Variants in LDLRAD4 observed in about 807,000 individuals in gnomAD.
The protein encoded by LDLRAD4 is low-density lipoprotein receptor class A domain-containing protein 4.
In LDLRAD4, 5 loss-of-function variants were observed where a neutral mutation model predicts 17.0. The ratio of observed to expected loss-of-function variants is 0.29; its 90% confidence interval spans 0.15 to 0.62. The LOEUF is 0.62. LDLRAD4 is among the 20% of genes least tolerant of loss of function. LDLRAD4 has a pLI of 0.84. For missense variants in LDLRAD4, 340 were observed against 424.7 expected, an observed-to-expected ratio of 0.80 and a Z score of 1.75; for synonymous variants, 168 against 171.8, an observed-to-expected ratio of 0.98 and a Z score of 0.17.
chr18:13,496,294 C>T (rs930096120), intron 3 of LDLRAD4, among the ~76,000 whole-genome samples: 1 of 152,142 alleles, frequency 6.6e-6, no homozygotes, highest in Non-Finnish European at 1.5e-5. Context: ...AAAAATGTGG[C>T]GGCCTTACTT....
chr18:13,338,944 G>A (rs1342238914), intron 1 of LDLRAD4, among the ~76,000 whole-genome samples: 1 of 152,098 alleles, frequency 6.6e-6, no homozygotes, highest in East Asian at 1.9e-4. Context: ...GGAGGGAAAA[G>A]ACAACTTCTT....
intron 1 of LDLRAD4, among the ~76,000 whole-genome samples, chr18:13,370,553 A>G (rs1339855820): frequency 6.6e-6 from 1 of 152,084 alleles, no homozygotes; most frequent in Non-Finnish European, 1.5e-5. Context: ...GCGGCACCAT[A>G]TAGTTTAATA....
In LDLRAD4 at chr18:13,574,358, C is replaced by T. The variant is rs75853538; in HGVS notation, c.182-46759C>T. 7.3e-3 allele frequency among the ~76,000 whole-genome samples: 1,119 copies of T among 152,258 alleles called. 10 individuals are homozygous for T. The highest frequency in any genetic ancestry group is 0.026 in the African/African-American group (1,060 of 41,532). On this transcript the variant is annotated intron_variant, in intron 3 of 5. Transcript: ENST00000359446. The stretch of plus-strand genomic sequence containing the variant: ...CTGTCCCTGGGCCTAGGAGAGCAAC[C>T]GCTCTCTGTTCACAGTGTGCCGTCC...
intron 1 of LDLRAD4, among the ~76,000 whole-genome samples, chr18:13,232,223 G>C (rs1305518248): frequency 6.6e-6 from 1 of 152,228 alleles, no homozygotes; most frequent in Non-Finnish European, 1.5e-5. Flanking sequence ...GGGCGCTCTT[G>C]TGGGACTTAG....
At chr18:13,441,155 G>T (rs144436152) in intron 3 of LDLRAD4, among the ~76,000 whole-genome samples, 2 of 152,328 alleles carry the variant, frequency 1.3e-5, no homozygotes, top group African/African-American at 4.8e-5. Flanking sequence ...GGGTGGCCTC[G>T]TATTGAATGG....
chr18:13,363,536 T>C (rs9960178), intron 1 of LDLRAD4, among the ~76,000 whole-genome samples: 99 of 152,190 alleles, frequency 6.5e-4, no homozygotes, highest in African/African-American at 2.3e-3. Flanking sequence ...AAACCTGTTA[T>C]GCATCGTGTC....
chr18:13,387,603 G>T (rs1599849647), exon 2 of LDLRAD4: 1 of 919,822 alleles, frequency 1.1e-6, no homozygotes, highest in African/African-American at 1.6e-5. Context: ...GCTCCCAGAG[G>T]CCGGCCCAGC....
At chr18:13,634,073 GCTAT>G (rs1568434784) in intron 4 of LDLRAD4, among the ~76,000 whole-genome samples, 1 of 152,200 alleles carries the variant, frequency 6.6e-6, no homozygotes, top group African/African-American at 2.4e-5. Context: ...CATCATAAAG[GCTAT>G]CTATGAAAAG....
intron 1 of LDLRAD4, among the ~76,000 whole-genome samples, chr18:13,382,264 C>T (rs1308020590): frequency 2.0e-5 from 3 of 152,232 alleles, no homozygotes; most frequent in African/African-American, 4.8e-5. Flanking sequence ...TCCTGAACCC[C>T]ATGTATCTGT....
rs1294043206 is a variant in LDLRAD4 at position 13,550,749 on chromosome 18, C to T, written c.182-70368C>T. Among the ~76,000 whole-genome samples, 3 of 152,152 alleles carry T rather than the reference C, an allele frequency of 2.0e-5. 1 individual carries two copies. The highest frequency in any genetic ancestry group is 4.4e-5 in the Non-Finnish European group (3 of 68,024). ...CCCTCCGGCCATCCAGATCTAGGGG[C>T]GGTGGAGAGAGCCTGGGAAGAGCGA... On this transcript the variant is annotated intron_variant, in intron 3 of 5. Coordinates refer to ENST00000359446, the Ensembl canonical transcript of LDLRAD4.
intron 3 of LDLRAD4, among the ~76,000 whole-genome samples, chr18:13,510,682 T>A (rs1243254021): frequency 6.6e-6 from 1 of 152,164 alleles, no homozygotes; most frequent in Non-Finnish European, 1.5e-5. Context: ...AAAAAAATCA[T>A]CTTTAAAAAT....
chr18:13,316,934 C>G (rs1405466134), intron 1 of LDLRAD4, among the ~76,000 whole-genome samples: 1 of 152,168 alleles, frequency 6.6e-6, no homozygotes, highest in Non-Finnish European at 1.5e-5. Context: ...TCAAACACTT[C>G]ATAATTACAT....
chr18:13,568,368 C>T (rs753013977), intron 3 of LDLRAD4, among the ~76,000 whole-genome samples: 10 of 152,036 alleles, frequency 6.6e-5, no homozygotes, highest in East Asian at 1.9e-4. Context: ...ACTAAGTCCT[C>T]GAGGATCCAG....
intron 2 of LDLRAD4, among the ~76,000 whole-genome samples, chr18:13,416,634 C>T (rs16940481): frequency 0.039 from 5,933 of 152,212 alleles, 180 homozygotes; most frequent in East Asian, 0.1. Context: ...CATTTTTGCC[C>T]GTGTCTAGTA....
At chr18:13,511,507 G>A (rs545021085) in intron 3 of LDLRAD4, among the ~76,000 whole-genome samples, 3 of 152,082 alleles carry the variant, frequency 2.0e-5, no homozygotes, top group South Asian at 2.1e-4. Context: ...GTGAGACTCC[G>A]TCTCAAAATA....
chr18:13,226,201 T>TTTTTTTTTTTTTTTTTTTTTTA (rs2041793833), intron 1 of LDLRAD4, among the ~76,000 whole-genome samples: 1 of 143,756 alleles, frequency 7.0e-6, no homozygotes, highest in Admixed American at 7.0e-5. Context: ...TTTTTTTTTT[T>TTTTTTTTTTTTTTTTTTTTTTA]GTAGAGACCG....
In LDLRAD4 at chr18:13,570,431, G is replaced by A. The variant is rs1293605700; in HGVS notation, c.182-50686G>A. ...CCAGAGGAGTGGCAGAGACTCCAGC[G>A]AGCACTGGGGCATCCATGGCACCCG... On this transcript the variant is annotated intron_variant, in intron 3 of 5. Transcript: ENST00000359446. 3.3e-5 allele frequency among the ~76,000 whole-genome samples: 5 copies of A among 152,204 alleles called. No homozygotes were observed. The South Asian group carries it at 6.2e-4, about 19-fold the overall frequency.
At chr18:13,264,109 G>A (rs2044076048) in intron 1 of LDLRAD4, among the ~76,000 whole-genome samples, 1 of 152,220 alleles carries the variant, frequency 6.6e-6, no homozygotes, top group African/African-American at 2.4e-5. Context: ...TGGTGGATTG[G>A]GCCCCACCTG....
chr18:13,273,154 T>A (rs1303066131), upstream of LDLRAD4, among the ~76,000 whole-genome samples: 1 of 152,172 alleles, frequency 6.6e-6, no homozygotes, highest in South Asian at 2.1e-4. Context: ...CTGCAATGTT[T>A]CTGAAAAAAA....
Sources: gnomAD v4.1 joint callset for allele counts (sites outside exome capture counted in the v4.1 genomes callset) on GRCh38, gnomAD v4.1.1 for gene constraint, MANE v1.5 for transcripts, NCBI Gene and HGNC (gene_info 2026-07-23, HGNC 2026-07-21) for gene names.